KCNH1: variants seen among roughly 807,000 people sequenced by gnomAD.
KCNH1 encodes voltage-gated delayed rectifier potassium channel KCNH1.
KCNH1 carries 27 observed loss-of-function variants against 69.2 expected under a neutral mutation model. The ratio of observed to expected loss-of-function variants is 0.39; its 90% CI spans 0.29 to 0.54. KCNH1 has a LOEUF of 0.54. Among genes scored for constraint, KCNH1 ranks in the 20% least tolerant of loss-of-function variants. The probability of loss-of-function intolerance (pLI) is 0.68; values close to 1 mark genes in which losing one functional copy is unlikely to be tolerated. For missense variants in KCNH1, 798 were observed against 1,261.6 expected (o/e 0.63, Z 5.57); for synonymous variants, 456 against 487.7 (o/e 0.93, Z 0.86).
At chr1:211,004,695 T>A (rs1420629574) in intron 6 of KCNH1, among the ~76,000 whole-genome samples, 1 of 152,120 alleles carries the variant, frequency 6.6e-6, no homozygotes, top group Non-Finnish European at 1.5e-5. Context: ...ATCCTTCAAA[T>A]TAAAGACAAG....
intron 7 of KCNH1, among the ~76,000 whole-genome samples, chr1:210,809,497 G>A (rs1465087117): frequency 6.6e-6 from 1 of 152,072 alleles, no homozygotes; most frequent in Non-Finnish European, 1.5e-5. Flanking sequence ...AGCTATAGGA[G>A]GGACCATGAA....
intron 10 of KCNH1, among the ~76,000 whole-genome samples, chr1:210,714,878 A>C (rs1484912289): frequency 1.3e-5 from 2 of 152,182 alleles, no homozygotes; most frequent in Non-Finnish European, 2.9e-5. Context: ...GCTGATGTAT[A>C]ACCTCATTTT....
intron 6 of KCNH1, among the ~76,000 whole-genome samples, chr1:210,988,687 A>G (rs1385203200): frequency 6.6e-6 from 1 of 152,242 alleles, no homozygotes; most frequent in East Asian, 1.9e-4. Flanking sequence ...TTATGTGAGA[A>G]CAGAAGGCCT....
chr1:210,860,084 ATCTTC>A lies in KCNH1; in HGVS notation c.1463-55923_1463-55919del, dbSNP rs368088245. The A allele has an allele frequency of 3.8e-5, 49 of 1,297,626 alleles. 2 individuals are homozygous for A. Among genetic ancestry groups the A allele is most frequent in the African/African-American group, 2.8e-4 (17 of 60,430 alleles). The allele number at this position is 1,297,626 out of a possible 1,614,324, so 80.4% of individuals were successfully genotyped here. A position where few individuals can be genotyped will look rare whatever the true frequency, so the allele number is the denominator to read the frequency against. ...ACAATTTTGCCGTATGACACGCTGC[ATCTTC>A]TCCTGCAACTACTGGAAGAATCTTT... On this transcript the variant is annotated intron_variant, in intron 7 of 10. Coordinates refer to ENST00000271751, the MANE Select transcript of KCNH1 (RefSeq NM_172362.3).
chr1:211,088,256 A>G (rs972497740), intron 4 of KCNH1, among the ~76,000 whole-genome samples: 2 of 152,174 alleles, frequency 1.3e-5, no homozygotes, highest in Non-Finnish European at 2.9e-5. Context: ...AACAAGCCTA[A>G]GTCAGCAAGA....
At chr1:210,873,717 T>C (rs563571384) in intron 7 of KCNH1, among the ~76,000 whole-genome samples, 1 of 152,016 alleles carries the variant, frequency 6.6e-6, no homozygotes, top group East Asian at 1.9e-4. Context: ...GAAAAGAAAA[T>C]ACAAAAATAA....
At chr1:210,736,007 C>T (rs1189658596) in intron 10 of KCNH1, among the ~76,000 whole-genome samples, 2 of 152,054 alleles carry the variant, frequency 1.3e-5, no homozygotes, top group African/African-American at 4.8e-5. Context: ...TTTTAGCTTA[C>T]TGTTCTTTTG....
At chr1:211,112,591 G>C (rs1038913522) in intron 1 of KCNH1, among the ~76,000 whole-genome samples, 3 of 150,932 alleles carry the variant, frequency 2.0e-5, no homozygotes, top group Non-Finnish European at 2.9e-5. Flanking sequence ...AGTAGGAATA[G>C]AATCATCAGC....
In KCNH1 at chr1:211,107,412, A is replaced by ATTAGT. The variant is rs747704484; in HGVS notation, c.80-36_80-35insACTAA. 1.0e-5 allele frequency: 16 copies of ATTAGT among 1,594,064 alleles called. No homozygotes were observed. In the South Asian group the frequency reaches 1.8e-4, roughly 18 times the overall value. ...AAAAAAAAAAGGGAAAAAAGGGCACATGAGGCAACACATTAGTTGAGATTC... is the reference window on the plus strand; with the variant it reads ...AAAAAAAAAAGGGAAAAAAGGGCACATTAGTTGAGGCAACACATTAGTTGAGATTC... On this transcript the variant is annotated intron_variant, in intron 1 of 10. Coordinates refer to ENST00000271751, the MANE Select transcript of KCNH1 (RefSeq NM_172362.3).
chr1:210,909,606 G>T (rs1687185185), intron 7 of KCNH1, among the ~76,000 whole-genome samples: 2 of 152,228 alleles, frequency 1.3e-5, no homozygotes, highest in African/African-American at 4.8e-5. Context: ...GTGCAGACAA[G>T]ATCCATACCC....
At chr1:210,967,180 G>T (rs1574367452) in intron 6 of KCNH1, among the ~76,000 whole-genome samples, 1 of 151,998 alleles carries the variant, frequency 6.6e-6, no homozygotes, top group Admixed American at 6.6e-5. Context: ...TCAGGGGTTG[G>T]GGGGCTAGGG....
chr1:210,814,267 A>T (rs893088623), intron 7 of KCNH1, among the ~76,000 whole-genome samples: 5 of 152,250 alleles, frequency 3.3e-5, no homozygotes, highest in African/African-American at 9.6e-5. Flanking sequence ...TACTCTCTTT[A>T]AATTTCTTTG....
Position 211,107,382 on chromosome 1 carries a change from TAAA to T in KCNH1, c.80-8_80-6del, listed in dbSNP as rs56223346. 9,079 of 1,444,192 alleles carry T rather than the reference TAAA, an allele frequency of 6.3e-3. No individual in the cohort carries two copies. The highest frequency in any genetic ancestry group is 7.1e-3 in the South Asian group (554 of 78,432). The allele number at this position is 1,444,192 out of a possible 1,614,324, so 89.5% of individuals were successfully genotyped here. ...TCCCCAACACAAAATTAGTATCTGT[TAAA>T]AAAAAAAAAAAGGGAAAAAAGGGCA... is the stretch of plus-strand genomic sequence containing the variant. On this transcript the variant is annotated splice_polypyrimidine_tract_variant and splice_region_variant and intron_variant, in intron 1 of 10. Transcript: ENST00000271751.
At chr1:211,025,814 C>G (rs12143882) in intron 5 of KCNH1, among the ~76,000 whole-genome samples, 1 of 152,118 alleles carries the variant, frequency 6.6e-6, no homozygotes, top group Non-Finnish European at 1.5e-5. Flanking sequence ...CTAGCCCTCC[C>G]AGCCTCCTAG....
intron 2 of KCNH1, among the ~76,000 whole-genome samples, chr1:211,104,941 C>T (rs534476024): frequency 7.2e-5 from 11 of 152,296 alleles, no homozygotes; most frequent in African/African-American, 2.6e-4. Context: ...AGTCAAGCAC[C>T]ATGCTTAGCT....
chr1:210,678,933 G>A lies in KCNH1; in HGVS notation c.*4348C>T, dbSNP rs1681200500. The A allele has an allele frequency of 6.6e-6, 1 of 152,136 alleles. No homozygotes were observed. The highest frequency in any genetic ancestry group is 2.4e-5 in the African/African-American group (1 of 41,428). The allele number at this position is 152,136 out of a possible 1,614,324, so 9.4% of individuals were successfully genotyped here. A position where few individuals can be genotyped will look rare whatever the true frequency, so the allele number is the denominator to read the frequency against. The stretch of plus-strand genomic sequence containing the variant: ...GCACCCACCAGTCTGGCACCTGCAG[G>A]GAATTCAAGTCCAGTTCTAGAGGTT... On this transcript the variant is annotated 3_prime_UTR_variant, in exon 11 of 11. Coordinates refer to ENST00000271751, the MANE Select transcript of KCNH1 (RefSeq NM_172362.3).
intron 10 of KCNH1, among the ~76,000 whole-genome samples, chr1:210,754,849 CACACACA>C (rs1558455957): frequency 2.8e-5 from 1 of 35,548 alleles, no homozygotes; most frequent in East Asian, 3.0e-3. Context: ...CACGGGCACA[CACACACA>C]CACACACACA....
At chr1:210,698,064 T>A (rs1329963574) in intron 10 of KCNH1, among the ~76,000 whole-genome samples, 1 of 152,192 alleles carries the variant, frequency 6.6e-6, no homozygotes, top group African/African-American at 2.4e-5. Context: ...TAGTCCTGAA[T>A]CCAATATAGA....
intron 7 of KCNH1, among the ~76,000 whole-genome samples, chr1:210,815,167 T>C (rs1247037252): frequency 6.6e-6 from 1 of 152,202 alleles, no homozygotes; most frequent in Admixed American, 6.5e-5. Flanking sequence ...AAATTTGTTC[T>C]TTTCAAATTC....
Sources: gnomAD v4.1 joint callset for allele counts (sites outside exome capture counted in the v4.1 genomes callset) on GRCh38, gnomAD v4.1.1 for gene constraint, MANE v1.5 for transcripts, NCBI Gene and HGNC (gene_info 2026-07-23, HGNC 2026-07-21) for gene names.